SHISA9: variants seen among roughly 807,000 people sequenced by gnomAD.
The protein encoded by SHISA9 is shisa family member 9, also known as protein shisa-9.
A neutral mutation model predicts 38.0 loss-of-function variants in SHISA9; 13 were observed. The observed-to-expected ratio is 0.34, with a 90% CI of 0.22 to 0.54. The LOEUF is 0.54. Among genes scored for constraint, SHISA9 ranks in the 20% least tolerant of loss-of-function variants. The probability of loss-of-function intolerance (pLI) is 0.91; values close to 1 mark genes in which losing one functional copy is unlikely to be tolerated. For synonymous variants in SHISA9, 275 were observed against 242.0 expected, an observed-to-expected ratio of 1.14 and a Z score of -1.27; for missense variants, 538 against 575.8, an observed-to-expected ratio of 0.93 and a Z score of 0.67.
chr16:13,512,647 G>T, the SHISA9 span, among the ~76,000 whole-genome samples: 9 of 152,044 alleles, frequency 5.9e-5, no homozygotes, highest in African/African-American at 1.9e-4. Context: ...GATGGTACTG[G>T]TACCAAAACA....
At chr16:13,101,073 T>A (rs2073874485) in intron 2 of SHISA9, among the ~76,000 whole-genome samples, 1 of 152,294 alleles carries the variant, frequency 6.6e-6, no homozygotes, top group South Asian at 2.1e-4. Context: ...CTTATTTCTC[T>A]TAGTATCACG....
the SHISA9 span, among the ~76,000 whole-genome samples, chr16:13,410,363 G>A: frequency 2.0e-5 from 3 of 152,084 alleles, no homozygotes; most frequent in African/African-American, 4.8e-5. Context: ...TAAAATCGGC[G>A]TGTTATATTT....
chr16:13,061,752 G>C (rs1297320592), intron 2 of SHISA9, among the ~76,000 whole-genome samples: 1 of 152,176 alleles, frequency 6.6e-6, no homozygotes, highest in Admixed American at 6.5e-5. Context: ...TGTGATTTCT[G>C]CTGTAGAAGA....
Position 12,916,698 on chromosome 16 carries a change from G to T in SHISA9, c.574G>T (p.Asp192Tyr). The T allele has an allele frequency of 1.3e-6, 2 of 1,550,582 alleles. No individual in the cohort carries two copies. The highest frequency in any genetic ancestry group is 4.0e-5 in the Admixed American group (2 of 50,632). Residue 192 changes from aspartate to tyrosine, a missense_variant, in exon 2 of 5, where the codon GAT becomes TAT. Around this residue, in one of 4 missense-constraint regions of SHISA9, gnomAD observed 326 missense variants for 305.9 expected, o/e 1.07. Coordinates refer to ENST00000558583, the MANE Select transcript of SHISA9 (RefSeq NM_001145204.3). Reference sequence around the variant, plus strand: ...TCTTTCTTCTTTCAGGGCCCTTGCGGATGTCATGAGACCACAGGGCCACTG... The same window carrying T: ...TCTTTCTTCTTTCAGGGCCCTTGCGTATGTCATGAGACCACAGGGCCACTG... The part of the protein sequence containing the change: ...QREHMSRALA[D>Y]VMRPQGHCNT...
rs533496656 is a variant in SHISA9, at chr16:13,210,141, G to A, written c.848-3112G>A. Among the ~76,000 whole-genome samples the A allele has an allele frequency of 1.3e-3, 198 of 152,302 alleles. 1 individual carries two copies. The highest frequency in any genetic ancestry group is 4.6e-3 in the African/African-American group (192 of 41,578). ...TCCCTAAAGCTCACTTGGTGGTTCA[G>A]AGAGGGATGATTGGTACTTCCAGAA... On this transcript the variant is annotated intron_variant, in intron 3 of 4. Coordinates refer to ENST00000558583, the MANE Select transcript of SHISA9 (RefSeq NM_001145204.3).
chr16:13,120,849 T>C (rs1156797323), intron 2 of SHISA9, among the ~76,000 whole-genome samples: 1 of 152,164 alleles, frequency 6.6e-6, no homozygotes, highest in East Asian at 1.9e-4. Flanking sequence ...CATAGGGTTC[T>C]TCAGGAGACT....
chr16:13,092,222 T>C (rs992956051), intron 2 of SHISA9, among the ~76,000 whole-genome samples: 13 of 152,194 alleles, frequency 8.5e-5, no homozygotes, highest in African/African-American at 2.9e-4. Flanking sequence ...GCCACCTATA[T>C]GAGGTGTCTG....
At position 13,225,781 on chromosome 16, in the gene SHISA9, G is replaced by T. The variant is rs142543485; in HGVS notation, c.896-9249G>T. On this transcript the variant is annotated intron_variant, in intron 4 of 4. Transcript: ENST00000558583. The stretch of plus-strand genomic sequence containing the variant: ...TTCCACGGAAGCCAGGCTCCATCCC[G>T]CCCCGCACCTGTACAAGTGTCTGCT... Among the ~76,000 whole-genome samples, 372 of 152,262 alleles carry T rather than the reference G, an allele frequency of 2.4e-3. 2 individuals carry two copies. Among genetic ancestry groups the T allele is most frequent in the African/African-American group, 7.9e-3 (330 of 41,542 alleles).
At chr16:13,126,746 GGAA>G (rs1265623836) in intron 2 of SHISA9, among the ~76,000 whole-genome samples, 1 of 145,154 alleles carries the variant, frequency 6.9e-6, no homozygotes, top group African/African-American at 2.6e-5. Context: ...AGTGACTGAG[GGAA>G]GAAGAGAGAG....
chr16:13,417,164 C>T, the SHISA9 span, among the ~76,000 whole-genome samples: 3 of 152,082 alleles, frequency 2.0e-5, no homozygotes, highest in Non-Finnish European at 4.4e-5. Context: ...TTGATGCAGT[C>T]GTTCTCAGGA....
chr16:13,383,603 C>G, the SHISA9 span, among the ~76,000 whole-genome samples: 1 of 152,084 alleles, frequency 6.6e-6, no homozygotes, highest in Non-Finnish European at 1.5e-5. Flanking sequence ...TAAGTTGGTG[C>G]AAATGTAATT....
In SHISA9 at chr16:13,020,101, A is replaced by G. The variant is rs938271906; in HGVS notation, c.691+103286A>G. ...GAGTGCGGTGCCTTGATCTTGGCTC[A>G]CTGCAACTTCTGCCATCCAGGCTGA... On this transcript the variant is annotated intron_variant, in intron 2 of 4. Coordinates refer to ENST00000558583, the MANE Select transcript of SHISA9 (RefSeq NM_001145204.3). Among the ~76,000 whole-genome samples the G allele has an allele frequency of 2.8e-5, 4 of 144,860 alleles. No homozygotes were observed. In the East Asian group the frequency reaches 8.0e-4, roughly 29 times the overall value.
chr16:13,277,009 G>A, the SHISA9 span, among the ~76,000 whole-genome samples: 1 of 151,974 alleles, frequency 6.6e-6, no homozygotes. Context: ...TCTAGAAGGA[G>A]TTTTCCAATG....
the SHISA9 span, among the ~76,000 whole-genome samples, chr16:13,554,825 C>A: frequency 6.6e-6 from 1 of 152,100 alleles, no homozygotes; most frequent in Admixed American, 6.6e-5. Flanking sequence ...GTGGGAAATA[C>A]AAAGGACTCC....
chr16:13,348,789 G>T, the SHISA9 span, among the ~76,000 whole-genome samples: 1 of 152,016 alleles, frequency 6.6e-6, no homozygotes, highest in Non-Finnish European at 1.5e-5. Flanking sequence ...GATTGAAGGG[G>T]CCCGAGAAGA....
At chr16:13,405,721 G>A in the SHISA9 span, among the ~76,000 whole-genome samples, 1 of 152,090 alleles carries the variant, frequency 6.6e-6, no homozygotes, top group African/African-American at 2.4e-5. Flanking sequence ...AAGAACATGT[G>A]GTATTTGGTT....
the SHISA9 span, among the ~76,000 whole-genome samples, chr16:13,314,203 A>AT: frequency 0.49 from 72,859 of 150,104 alleles, 17,864 homozygotes; most frequent in Middle Eastern, 0.55. Context: ...TTTTTATTTC[A>AT]TTTTTTTTTA....
At chr16:13,264,168 A>G in the SHISA9 span, among the ~76,000 whole-genome samples, 1 of 137,938 alleles carries the variant, frequency 7.2e-6, no homozygotes, top group South Asian at 2.5e-4. Context: ...ATTGTTTTAA[A>G]TCTTTTTTTT....
the SHISA9 span, among the ~76,000 whole-genome samples, chr16:13,524,022 C>G: frequency 1.3e-5 from 2 of 152,132 alleles, no homozygotes; most frequent in Admixed American, 6.5e-5. Flanking sequence ...CCTAGAGTCA[C>G]ACAGTCGAGA....
Sources: allele counts gnomAD v4.1 joint callset (sites outside exome capture counted in the v4.1 genomes callset), GRCh38; gene constraint gnomAD v4.1.1; regional missense constraint gnomAD v4.1.1; transcripts MANE v1.5; gene names NCBI Gene and HGNC (gene_info 2026-07-23, HGNC 2026-07-21).